Variants in MLLT11 observed in about 807,000 individuals in gnomAD.
MLLT11 encodes the protein MLLT11 transcription factor 7 cofactor.
Under a neutral mutation model 5.3 loss-of-function variants are expected in MLLT11, and 1 was observed. The ratio of observed to expected loss-of-function variants is 0.19; its 90% CI spans 0.07 to 0.89. MLLT11 has a LOEUF of 0.89. Ranked by LOEUF, MLLT11 falls within the 40% of genes least tolerant of loss-of-function variation. The pLI, the probability that MLLT11 is intolerant of heterozygous loss-of-function variation, is 0.67. For missense variants in MLLT11, 87 were observed against 107.3 expected (o/e 0.81, Z 0.83); for synonymous variants, 38 against 41.7 (o/e 0.91, Z 0.34).
chr1:151,067,457 C>G lies in MLLT11; in HGVS notation c.233C>G (p.Pro78Arg). 1 of 1,614,060 alleles carries G rather than the reference C, an allele frequency of 6.2e-7. No individual in the cohort carries two copies. The highest frequency in any genetic ancestry group is 2.2e-5 in the East Asian group (1 of 44,876). Residue 78 changes from proline to arginine, a missense_variant, in exon 2 of 2, where the codon CCC (proline) becomes CGC (arginine). By Grantham distance (103) the Pro-to-Arg change is moderately radical. Transcript: ENST00000368921. ...AGCACCTTCAACTTCTGGAGAGCTCCCATTGCCAGCATCCACTCCTTCGAA... is the reference window on the plus strand; with the variant it reads ...AGCACCTTCAACTTCTGGAGAGCTCGCATTGCCAGCATCCACTCCTTCGAA... Reference protein sequence around the residue: ...EYSTFNFWRAPIASIHSFELD... With the variant: ...EYSTFNFWRARIASIHSFELD...
intron 1 of MLLT11, among the ~76,000 whole-genome samples, chr1:151,066,036 T>C (rs1376736845): frequency 6.6e-6 from 1 of 152,066 alleles, no homozygotes; most frequent in Non-Finnish European, 1.5e-5. Context: ...GACGGAGTTT[T>C]GCCATGTTGC....
chr1:151,067,038 T>C, intron 1 of MLLT11, 181 bp from the exon 2 acceptor site: 2 of 497,906 alleles, frequency 4.0e-6, no homozygotes, highest in Non-Finnish European at 6.9e-6. Flanking sequence ...TTTCTTTTTT[T>C]TCCTCCCCAA....
At chr1:151,062,854 T>TC (rs1676425807) in intron 1 of MLLT11, among the ~76,000 whole-genome samples, 2 of 152,196 alleles carry the variant, frequency 1.3e-5, no homozygotes, top group South Asian at 4.1e-4. Flanking sequence ...ATCTCTATAG[T>TC]CCCAGATTTA....
rs759755470 is a variant in MLLT11 at position 151,067,543 on chromosome 1, T to A, written c.*46T>A. ...ATCACCTTGCCCTCATTGTCTTCCC[T>A]CTCAAGCCCCTTCCTTTCCACTCCT... On this transcript the variant is annotated 3_prime_UTR_variant, in exon 2 of 2. Transcript: ENST00000368921. 1.3e-6 allele frequency: 2 copies of A among 1,572,886 alleles called. No homozygotes were observed. Among genetic ancestry groups the A allele is most frequent in the East Asian group, 4.5e-5 (2 of 44,536 alleles).
chr1:151,061,329 T>A (rs1676404122), intron 1 of MLLT11, among the ~76,000 whole-genome samples: 2 of 152,168 alleles, frequency 1.3e-5, no homozygotes, highest in Non-Finnish European at 2.9e-5. Context: ...GGTGGCAGCA[T>A]GACACAGCAA....
intron 1 of MLLT11, chr1:151,066,984 CA>C (rs1676483731): frequency 2.6e-6 from 1 of 389,022 alleles, no homozygotes; most frequent in Admixed American, 4.1e-5. Context: ...GAAGCTTGTC[CA>C]AGGGAACTTG....
intron 1 of MLLT11, among the ~76,000 whole-genome samples, 161 bp downstream of exon 1, chr1:151,060,714 GTTACCTTA>G (rs1004819090): frequency 1.3e-5 from 2 of 152,192 alleles, no homozygotes; most frequent in Admixed American, 6.5e-5. Context: ...TCCATGCCTT[GTTACCTTA>G]TACAGACCAT....
intron 1 of MLLT11, among the ~76,000 whole-genome samples, chr1:151,065,380 G>C (rs1308379461): frequency 6.6e-6 from 1 of 152,182 alleles, no homozygotes; most frequent in Non-Finnish European, 1.5e-5. Flanking sequence ...TATTTGAGCA[G>C]TTTTTTATTC....
Position 151,068,010 on chromosome 1 carries a change from T to G in MLLT11, c.*513T>G, listed in dbSNP as rs1049681645. ...TGATAAGTCTCTTGCTTTTTTTTGA[T>G]CCTGCTCTTATATTCTTTTTTTTCC... On this transcript the variant is annotated 3_prime_UTR_variant, in exon 2 of 2. Coordinates refer to ENST00000368921, the MANE Select transcript of MLLT11 (RefSeq NM_006818.4). 1 of 244,396 alleles carries G rather than the reference T, an allele frequency of 4.1e-6. No homozygotes were observed. The highest frequency in any genetic ancestry group is 8.6e-6 in the Non-Finnish European group (1 of 116,010). 15.1% of individuals were successfully genotyped at this position (244,396 alleles called of 1,614,324 possible).
chr1:151,060,648 G>A (rs1433079157), intron 1 of MLLT11, 95 bp downstream of exon 1: 4 of 152,258 alleles, frequency 2.6e-5, no homozygotes, highest in African/African-American at 4.8e-5. Flanking sequence ...GTGGGGGACA[G>A]CTGAAGAGGA....
At chr1:151,065,103 T>C (rs974914933) in intron 1 of MLLT11, among the ~76,000 whole-genome samples, 1 of 152,196 alleles carries the variant, frequency 6.6e-6, no homozygotes, top group African/African-American at 2.4e-5. Context: ...ATTAAATCCA[T>C]ACTATATTAA....
At position 151,069,499 on chromosome 1, in the gene MLLT11, G is replaced by A. The variant is rs61819197; in HGVS notation, c.*2002G>A. Reference sequence around the variant, plus strand: ...GTCCTTCAGCCATGGCAATTGGTGGGTGGAGACAGGGATCAACTGTTTGGT... The same window carrying A: ...GTCCTTCAGCCATGGCAATTGGTGGATGGAGACAGGGATCAACTGTTTGGT... On this transcript the variant is annotated 3_prime_UTR_variant, in exon 2 of 2. Transcript: ENST00000368921. Among the ~76,000 whole-genome samples the A allele has an allele frequency of 1.9e-3, 295 of 152,294 alleles. 1 individual carries two copies. Among genetic ancestry groups the A allele is most frequent in the Non-Finnish European group, 3.5e-3 (236 of 68,018 alleles).
chr1:151,067,139 T>C, intron 1 of MLLT11, 80 bp from the exon 2 acceptor site: 1 of 1,171,912 alleles, frequency 8.5e-7, no homozygotes. Flanking sequence ...TACCAGTATG[T>C]GGAGTATCTA....
At chr1:151,062,593 C>G (rs1676421578) in intron 1 of MLLT11, among the ~76,000 whole-genome samples, 1 of 152,000 alleles carries the variant, frequency 6.6e-6, no homozygotes, top group East Asian at 1.9e-4. Flanking sequence ...GAATTCCTGA[C>G]CTTGTGATCC....
rs1044220335 is a variant in MLLT11, at chr1:151,069,074, C to T, written c.*1577C>T. 6.6e-6 allele frequency among the ~76,000 whole-genome samples: 1 copy of T among 152,082 alleles called. No homozygotes were observed. Among genetic ancestry groups the T allele is most frequent in the African/African-American group, 2.4e-5 (1 of 41,398 alleles). Reference sequence around the variant, plus strand: ...CCCACTGACTACCAACATTATATTTCAGGTAATAATTCTCCTAGGTGCCTA... The same window carrying T: ...CCCACTGACTACCAACATTATATTTTAGGTAATAATTCTCCTAGGTGCCTA... On this transcript the variant is annotated 3_prime_UTR_variant, in exon 2 of 2. Coordinates refer to ENST00000368921, the MANE Select transcript of MLLT11 (RefSeq NM_006818.4).
intron 1 of MLLT11, among the ~76,000 whole-genome samples, chr1:151,065,985 C>T (rs946076053): frequency 1.3e-5 from 2 of 152,072 alleles, no homozygotes; most frequent in East Asian, 1.9e-4. Flanking sequence ...GGACTACAGG[C>T]GTGCACCACC....
chr1:151,067,598 T>A lies in MLLT11; in HGVS notation c.*101T>A. Reference sequence around the variant, plus strand: ...CATTTTAATCTTGTTCTCTCCCTACTGTGTTGGTGGTGCTGATGAATCTGC... The same window carrying A: ...CATTTTAATCTTGTTCTCTCCCTACAGTGTTGGTGGTGCTGATGAATCTGC... On this transcript the variant is annotated 3_prime_UTR_variant, in exon 2 of 2. Transcript: ENST00000368921. The A allele has an allele frequency of 1.5e-6, 2 of 1,312,888 alleles. No individual in the cohort carries two copies. The highest frequency in any genetic ancestry group is 2.7e-5 in the South Asian group (2 of 73,494). 81.3% of individuals were successfully genotyped at this position (1,312,888 alleles called of 1,614,324 possible).
chr1:151,068,295 G>A lies in MLLT11; in HGVS notation c.*798G>A. On this transcript the variant is annotated 3_prime_UTR_variant, in exon 2 of 2. Coordinates refer to ENST00000368921, the MANE Select transcript of MLLT11 (RefSeq NM_006818.4). ...AGGTTTCAATTCAATCTTCTGAACG[G>A]CATAAGTCCTATTTTAGCCTTACCT... 1 of 227,326 alleles carries A rather than the reference G, an allele frequency of 4.4e-6. No individual in the cohort carries two copies. The highest frequency in any genetic ancestry group is 9.5e-6 in the Non-Finnish European group (1 of 104,990). 14.1% of individuals were successfully genotyped at this position (227,326 alleles called of 1,614,324 possible).
intron 1 of MLLT11, 119 bp from the exon 2 acceptor site, chr1:151,067,100 G>GAAAAAAA: frequency 1.5e-6 from 1 of 645,500 alleles, no homozygotes; most frequent in Non-Finnish European, 2.3e-6. Flanking sequence ...TTCTTTAATA[G>GAAAAAAA]AAAAAAAAAA....
Sources: gnomAD v4.1 joint callset for allele counts (sites outside exome capture counted in the v4.1 genomes callset) on GRCh38, gnomAD v4.1.1 for gene constraint, MANE v1.5 for transcripts, NCBI Gene and HGNC (gene_info 2026-07-23, HGNC 2026-07-21) for gene names.